The following PP2D1 variants were observed in gnomAD, a reference collection of about 807,000 sequenced individuals.
PP2D1 encodes the protein protein phosphatase 2C like domain containing 1.
Under a neutral mutation model 30.2 loss-of-function variants are expected in PP2D1, and 25 were observed. The ratio of observed to expected loss-of-function variants is 0.83; its 90% CI spans 0.60 to 1.16. PP2D1 has a LOEUF of 1.16. Among genes scored for constraint, PP2D1 ranks in the 50% most tolerant of loss-of-function variants. The pLI, the probability that PP2D1 is intolerant of heterozygous loss-of-function variation, is 0.00. For missense variants in PP2D1, 760 were observed against 742.4 expected (o/e 1.02, Z -0.28); for synonymous variants, 260 against 258.9 (o/e 1.00, Z -0.04).
intron 2 of PP2D1, among the ~76,000 whole-genome samples, chr3:19,986,491 C>G (rs979158938): frequency 6.6e-6 from 1 of 152,162 alleles, no homozygotes; most frequent in African/African-American, 2.4e-5. Context: ...TAATATTACT[C>G]ACATTGCAGA....
chr3:20,003,136 C>T (rs1559499671), intron 1 of PP2D1, among the ~76,000 whole-genome samples: 1 of 151,700 alleles, frequency 6.6e-6, no homozygotes, highest in East Asian at 1.9e-4. Context: ...ATGTGGCTGG[C>T]TTATGTGTTT....
In PP2D1 at chr3:20,001,611, C is replaced by A. The variant is rs556321248; in HGVS notation, c.509G>T (p.Gly170Val). 3 of 1,536,344 alleles carry A rather than the reference C, an allele frequency of 2.0e-6. No individual in the cohort carries two copies. The Admixed American group carries it at 5.9e-5, about 30-fold the overall frequency. Residue 170 changes from glycine (G) to valine (V), a missense_variant, in exon 2 of 3, where the codon GGA (glycine) becomes GTA (valine). Transcript: ENST00000389050. The part of the protein sequence containing the change: ...SQKICHLLIK[G>V]VGICEDRNST... ...ATTCCTGTCTTCACAAATGCCCACTCCTTTAATTAACAGATGACATATTTT... is the reference window on the plus strand; with the variant it reads ...ATTCCTGTCTTCACAAATGCCCACTACTTTAATTAACAGATGACATATTTT...
Position 19,985,787 on chromosome 3 carries a change from G to A in PP2D1, c.1486C>T (p.Leu496Phe). Residue 496 changes from leucine (L) to phenylalanine (F), a missense_variant, in exon 3 of 3, where the codon CTT (leucine) becomes TTT (phenylalanine). Coordinates refer to ENST00000389050, the MANE Select transcript of PP2D1 (RefSeq NM_001252657.2). ...AGGTTTGGTTCACTGGTTGAAAAAA[G>A]CAGAGGCCCTTTGGATGGTGATTTG... ...PNKSPSKGPL[L>F]FSTSEPNLTK... 3 of 1,536,054 alleles carry A rather than the reference G, an allele frequency of 2.0e-6. No homozygotes were observed. The highest frequency in any genetic ancestry group is 2.6e-6 in the Non-Finnish European group (3 of 1,146,864).
chr3:19,993,022 T>C (rs1467211374), intron 2 of PP2D1, among the ~76,000 whole-genome samples: 3 of 151,974 alleles, frequency 2.0e-5, no homozygotes, highest in African/African-American at 7.3e-5. Flanking sequence ...CCTGGCTACA[T>C]AGCAAAACCT....
downstream of PP2D1, among the ~76,000 whole-genome samples, chr3:19,981,653 G>A (rs1307719713): frequency 6.6e-6 from 1 of 151,832 alleles, no homozygotes; most frequent in African/African-American, 2.4e-5. Context: ...TACAACTTAG[G>A]ATGGATATAT....
intron 1 of PP2D1, chr3:20,008,310 C>T (rs2948100): frequency 0.21 from 32,479 of 153,338 alleles, 3,791 homozygotes; most frequent in South Asian, 0.3. Context: ...GTGGCTCACG[C>T]CTGTAATTCC....
At chr3:20,011,328 G>T (rs1697383337) in intron 1 of PP2D1, among the ~76,000 whole-genome samples, 1 of 152,122 alleles carries the variant, frequency 6.6e-6, no homozygotes. Context: ...TATGAGCCTT[G>T]ATGGACTATT....
In PP2D1 at chr3:19,985,703, GTACTTCAGA is replaced by G; in HGVS notation, c.1561_1569del (p.Ser521_Val523del). The G allele has an allele frequency of 1.3e-6, 2 of 1,535,592 alleles. No individual in the cohort carries two copies. Among genetic ancestry groups the G allele is most frequent in the Non-Finnish European group, 1.7e-6 (2 of 1,146,444 alleles). ...TCTTTGGAATTTGTAGTTGACACAC[GTACTTCAGA>G]TACAGATTTATACTGAAACAATACG... On this transcript the variant is annotated inframe_deletion, in exon 3 of 3. Transcript: ENST00000389050.
chr3:19,986,418 TA>T (rs1697035786), intron 2 of PP2D1, among the ~76,000 whole-genome samples: 1 of 152,228 alleles, frequency 6.6e-6, no homozygotes, highest in Non-Finnish European at 1.5e-5. Flanking sequence ...TTAAAACTAT[TA>T]CATTTAGTAT....
At chr3:19,988,358 A>G (rs764705725) in intron 2 of PP2D1, among the ~76,000 whole-genome samples, 4 of 152,190 alleles carry the variant, frequency 2.6e-5, no homozygotes, top group Non-Finnish European at 4.4e-5. Flanking sequence ...ACGGTTGCAC[A>G]TAAGGGATGA....
intron 1 of PP2D1, among the ~76,000 whole-genome samples, chr3:20,011,062 G>A (rs1433908628): frequency 6.6e-6 from 1 of 152,078 alleles, no homozygotes; most frequent in African/African-American, 2.4e-5. Context: ...TAGGAATGGT[G>A]TGATGAGACC....
In PP2D1 at chr3:19,985,576, T is replaced by G; in HGVS notation, c.1697A>C (p.Lys566Thr). 2 of 1,536,102 alleles carry G rather than the reference T, an allele frequency of 1.3e-6. No individual in the cohort carries two copies. Among genetic ancestry groups the G allele is most frequent in the Non-Finnish European group, 1.7e-6 (2 of 1,146,874 alleles). Residue 566 changes from lysine (K) to threonine (T), a missense_variant, in exon 3 of 3, where the codon AAA (lysine) becomes ACA (threonine). Around this residue, in one of 3 missense-constraint regions of PP2D1, gnomAD observed 369 missense variants for 316.2 expected, o/e 1.17. Transcript: ENST00000389050. ...ETTHRKPCSEKVTDRPTSVND... is the reference protein window; with the variant it reads ...ETTHRKPCSETVTDRPTSVND... ...TACACTAGTTGGTCTGTCAGTTACT[T>G]TTTCACTGCAAGGTTTACGATGAGT...
At chr3:20,002,122 C>T in intron 1 of PP2D1, 26 bp from the exon 2 acceptor site, 2 of 1,455,148 alleles carry the variant, frequency 1.4e-6, no homozygotes, top group Non-Finnish European at 1.9e-6. Context: ...AAGATATTTA[C>T]ATGCCAGGAT....
At chr3:20,007,829 G>A (rs1324291960) in intron 1 of PP2D1, 4 of 166,272 alleles carry the variant, frequency 2.4e-5, no homozygotes, top group East Asian at 1.6e-4. Flanking sequence ...AATATAATAC[G>A]ACCTCATGAA....
At chr3:19,984,058 T>C (rs143279232), downstream of PP2D1, 4 of 462,928 alleles carry the variant, frequency 8.6e-6, no homozygotes, top group Non-Finnish European at 1.6e-5. Context: ...GGACACTTGT[T>C]TCATTGGAAG....
intron 2 of PP2D1, among the ~76,000 whole-genome samples, chr3:19,989,368 CAG>C (rs1161808667): frequency 1.3e-5 from 2 of 152,128 alleles, no homozygotes; most frequent in Non-Finnish European, 2.9e-5. Context: ...CAGATATAGA[CAG>C]AAACTGTTGT....
downstream of PP2D1, among the ~76,000 whole-genome samples, chr3:19,980,445 A>ATTTTTTTTTTTTT (rs11441052): frequency 6.8e-6 from 1 of 148,102 alleles, no homozygotes; most frequent in African/African-American, 2.5e-5. Context: ...AGGTTAGTAA[A>ATTTTTTTTTTTTT]TTTTTTTTTC....
rs1252895653 is a variant in PP2D1, at chr3:20,001,250, A to G, written c.870T>C (p.Phe290=). The change falls in exon 2 of 3, where the codon TTT becomes TTC. Residue 290 remains phenylalanine (F), a synonymous_variant. Transcript: ENST00000389050. The part of the protein sequence containing the change: ...EDTHKAFAKA[F]WRMDRLLGLG... ...GACCTAAAAGCCTATCCATTCTCCAAAATGCTTTTGCAAAGGCTTTGTGTG... is the reference window on the plus strand; with the variant it reads ...GACCTAAAAGCCTATCCATTCTCCAGAATGCTTTTGCAAAGGCTTTGTGTG... 1.3e-6 allele frequency: 2 copies of G among 1,536,042 alleles called. No individual in the cohort carries two copies. The highest frequency in any genetic ancestry group is 8.7e-7 in the Non-Finnish European group (1 of 1,146,866).
intron 2 of PP2D1, among the ~76,000 whole-genome samples, chr3:19,999,491 C>T (rs1008224865): frequency 6.6e-6 from 1 of 151,898 alleles, no homozygotes; most frequent in African/African-American, 2.4e-5. Context: ...AAGCGATTCT[C>T]CTGCCTCAGC....
Sources: gnomAD v4.1 joint callset for allele counts (sites outside exome capture counted in the v4.1 genomes callset) on GRCh38, gnomAD v4.1.1 for gene constraint, gnomAD v4.1.1 regional missense constraint, MANE v1.5 for transcripts, NCBI Gene and HGNC (gene_info 2026-07-23, HGNC 2026-07-21) for gene names.